The following ZNF423 variants were observed in gnomAD, a reference collection of about 807,000 sequenced individuals.
The protein encoded by ZNF423 is zinc finger protein 423, also known as Ebf-associated zinc finger protein.
A neutral mutation model predicts 95.8 loss-of-function variants in ZNF423; 12 were observed. That is an observed-to-expected ratio of 0.13 (90% confidence interval 0.08 to 0.20). The LOEUF (loss-of-function observed/expected upper bound fraction) is 0.20, where lower values mean the gene tolerates loss of function less well. Among genes scored for constraint, ZNF423 ranks in the 10% least tolerant of loss-of-function variants. ZNF423 has a pLI of 1.00. For synonymous variants in ZNF423, 749 were observed against 711.9 expected (o/e 1.05, Z -0.83); for missense variants, 1,316 against 1,737.1 (o/e 0.76, Z 4.31).
intron 3 of ZNF423, among the ~76,000 whole-genome samples, chr16:49,728,362 C>A (rs2033080848): frequency 6.6e-6 from 1 of 152,192 alleles, no homozygotes. Context: ...TGCGCTTAGG[C>A]AAGGTTGTTT....
At chr16:49,693,708 C>A (rs775368643) in intron 3 of ZNF423, among the ~76,000 whole-genome samples, 1 of 152,178 alleles carries the variant, frequency 6.6e-6, no homozygotes. Context: ...AGATGCTCTA[C>A]CTCAGCAAGG....
chr16:49,588,748 T>C (rs1596680557), intron 5 of ZNF423, among the ~76,000 whole-genome samples: 1 of 152,226 alleles, frequency 6.6e-6, no homozygotes, highest in African/African-American at 2.4e-5. Flanking sequence ...TTTTAAAATA[T>C]CTACCTCAAT....
chr16:49,583,502 T>C (rs1264134616), intron 5 of ZNF423, among the ~76,000 whole-genome samples: 1 of 152,230 alleles, frequency 6.6e-6, no homozygotes, highest in African/African-American at 2.4e-5. Context: ...AGCCTATCAA[T>C]TTTATTCTAA....
intron 3 of ZNF423, among the ~76,000 whole-genome samples, chr16:49,639,770 A>G (rs1178954501): frequency 1.3e-5 from 2 of 152,188 alleles, no homozygotes; most frequent in Admixed American, 1.3e-4. Flanking sequence ...TACAGACTCC[A>G]GCCAGTCCCA....
intron 1 of ZNF423, among the ~76,000 whole-genome samples, chr16:49,846,456 CTG>C (rs1354814722): frequency 6.6e-6 from 1 of 152,206 alleles, no homozygotes; most frequent in Non-Finnish European, 1.5e-5. Flanking sequence ...CCTTTTCAAC[CTG>C]TGTTTTTCAG....
chr16:49,770,199 T>TAAAC (rs2034007855), intron 2 of ZNF423, among the ~76,000 whole-genome samples: 1 of 93,296 alleles, frequency 1.1e-5, no homozygotes, highest in African/African-American at 5.5e-5. Context: ...AATAAAAGAA[T>TAAAC]GAACGAATGA....
In ZNF423 at chr16:49,766,975, C is replaced by CT. The variant is rs1266592994; in HGVS notation, c.100+22511dup. ...TTCTTTTTTTTTCTTTTCTTTCTTT[C>CT]TTTTTTTTTTTTAGAGGCAGGGTCT... On this transcript the variant is annotated intron_variant, in intron 2 of 7. Coordinates refer to ENST00000563137, the MANE Select transcript of ZNF423 (RefSeq NM_001379286.1). Among the ~76,000 whole-genome samples the CT allele has an allele frequency of 1.1e-3, 155 of 144,750 alleles. 2 individuals are homozygous for CT. Among genetic ancestry groups the CT allele is most frequent in the African/African-American group, 1.3e-3 (50 of 39,746 alleles). The allele number at this position is 144,750 out of a possible 152,430, so 95.0% of individuals were successfully genotyped here.
chr16:49,735,721 G>C (rs2033270465), intron 2 of ZNF423, among the ~76,000 whole-genome samples: 1 of 152,186 alleles, frequency 6.6e-6, no homozygotes, highest in Non-Finnish European at 1.5e-5. Context: ...CATGGAGAGA[G>C]AGCACATAGG....
chr16:49,822,624 C>A, intron 1 of ZNF423: 1 of 1,514,430 alleles, frequency 6.6e-7, no homozygotes, highest in Admixed American at 2.0e-5. Flanking sequence ...TTCTGTCTGC[C>A]TACTTCCCTT....
chr16:49,814,181 C>T (rs1329160283), intron 1 of ZNF423, among the ~76,000 whole-genome samples: 1 of 150,976 alleles, frequency 6.6e-6, no homozygotes. Flanking sequence ...AAGCCCAGCC[C>T]TCAGCAGCAG....
At chr16:49,529,427 T>C (rs1010018352) in intron 5 of ZNF423, among the ~76,000 whole-genome samples, 28 of 152,196 alleles carry the variant, frequency 1.8e-4, no homozygotes, top group Non-Finnish European at 1.5e-4. Flanking sequence ...GAATAAGTGT[T>C]AATTTTACAC....
At chr16:49,851,926 C>T (rs1015410244) in intron 1 of ZNF423, among the ~76,000 whole-genome samples, 16 of 152,134 alleles carry the variant, frequency 1.1e-4, no homozygotes, top group Admixed American at 1.0e-3. Context: ...ATGTTAGCTA[C>T]CCCACTCCAC....
chr16:49,853,291 A>AGGGGC (rs1220278498), intron 1 of ZNF423, among the ~76,000 whole-genome samples: 3 of 44,370 alleles, frequency 6.8e-5, no homozygotes, highest in African/African-American at 1.0e-4. Context: ...GCTTAAGAGA[A>AGGGGC]GGGGCGGGGC....
intron 1 of ZNF423, chr16:49,853,553 T>G (rs935256715): frequency 1.1e-5 from 9 of 835,884 alleles, no homozygotes; most frequent in Non-Finnish European, 1.3e-5. Context: ...GTGGCTGATA[T>G]TTACAACACC....
intron 3 of ZNF423, among the ~76,000 whole-genome samples, chr16:49,657,875 C>G (rs2029969377): frequency 6.6e-6 from 1 of 152,210 alleles, no homozygotes; most frequent in African/African-American, 2.4e-5. Context: ...GTCTTTCAGC[C>G]TGCATAGCCT....
chr16:49,829,040 C>T (rs533324407), intron 1 of ZNF423, among the ~76,000 whole-genome samples: 1 of 152,324 alleles, frequency 6.6e-6, no homozygotes, highest in East Asian at 1.9e-4. Flanking sequence ...TCTCCTCTAT[C>T]CCCAGTCCCA....
intron 1 of ZNF423, among the ~76,000 whole-genome samples, chr16:49,823,448 T>C (rs994779058): frequency 6.6e-6 from 1 of 152,180 alleles, no homozygotes; most frequent in African/African-American, 2.4e-5. Flanking sequence ...TCAGAGAGGA[T>C]AAGGAAGTTG....
At chr16:49,640,608 C>T (rs117221326) in intron 3 of ZNF423, 16,507 of 148,694 alleles carry the variant, frequency 0.11, 1,133 homozygotes, top group Middle Eastern at 0.21. Context: ...GCCCCCGCAG[C>T]GCTGATTGTG....
At chr16:49,601,741 C>A (rs1241644538) in intron 5 of ZNF423, among the ~76,000 whole-genome samples, 3 of 152,186 alleles carry the variant, frequency 2.0e-5, no homozygotes, top group Admixed American at 6.5e-5. Flanking sequence ...AGCCTGTGGT[C>A]CCCCCTTGGC....
Sources: gnomAD v4.1 joint callset for allele counts (sites outside exome capture counted in the v4.1 genomes callset) on GRCh38, gnomAD v4.1.1 for gene constraint, MANE v1.5 for transcripts, NCBI Gene and HGNC (gene_info 2026-07-23, HGNC 2026-07-21) for gene names.